CYTH1: variants seen among roughly 807,000 people sequenced by gnomAD.
The protein encoded by CYTH1 is cytohesin-1.
Under a neutral mutation model 61.8 loss-of-function variants are expected in CYTH1, and 18 were observed. The ratio of observed to expected loss-of-function variants is 0.29; its 90% CI spans 0.20 to 0.43. The LOEUF is 0.43. CYTH1 is among the 20% of genes least tolerant of loss of function. The pLI is 1.00. For missense variants in CYTH1, 336 were observed against 510.5 expected, an observed-to-expected ratio of 0.66 and a Z score of 3.29; for synonymous variants, 174 against 184.3, an observed-to-expected ratio of 0.94 and a Z score of 0.45.
At chr17:78,770,404 GT>G (rs1299164671) in intron 1 of CYTH1, among the ~76,000 whole-genome samples, 2 of 150,550 alleles carry the variant, frequency 1.3e-5, no homozygotes, top group South Asian at 2.1e-4. Flanking sequence ...AAATAGGCGG[GT>G]TTTTTTTGTT....
chr17:78,701,784 G>GCA (rs1567842972), intron 5 of CYTH1, 33 bp from the exon 6 acceptor site: 1 of 1,604,120 alleles, frequency 6.2e-7, no homozygotes, highest in Admixed American at 1.7e-5. Flanking sequence ...GGGAGAGAAA[G>GCA]CAGGAGTCAG....
chr17:78,730,070 G>C (rs911475466), intron 1 of CYTH1, among the ~76,000 whole-genome samples: 1 of 151,980 alleles, frequency 6.6e-6, no homozygotes, highest in African/African-American at 2.4e-5. Flanking sequence ...AAACATCCTT[G>C]GATTCTGTTT....
chr17:78,719,887 C>T (rs1374313563), intron 1 of CYTH1, among the ~76,000 whole-genome samples: 1 of 152,198 alleles, frequency 6.6e-6, no homozygotes, highest in Non-Finnish European at 1.5e-5. Flanking sequence ...TTCCCACTCA[C>T]TGAGTCAGAA....
rs1471363234 is a variant in CYTH1 at position 78,717,627 on chromosome 17, TG to T, written c.23-7896del. Among the ~76,000 whole-genome samples, 1 of 152,098 alleles carries T rather than the reference TG, an allele frequency of 6.6e-6. No individual in the cohort carries two copies. Among genetic ancestry groups the T allele is most frequent in the Non-Finnish European group, 1.5e-5 (1 of 68,022 alleles). On this transcript the variant is annotated intron_variant, in intron 1 of 13. Transcript: ENST00000446868. The surrounding 1 kb of genome is among the most constrained non-coding windows in gnomAD (Gnocchi z 4.4). ...TCTTTCCAAGCCAGAGGACGATACATGAGCACACGGCGGGCTCTAGTCTAAA... is the reference window on the plus strand; with the variant it reads ...TCTTTCCAAGCCAGAGGACGATACATAGCACACGGCGGGCTCTAGTCTAAA...
intron 1 of CYTH1, among the ~76,000 whole-genome samples, chr17:78,764,083 C>G (rs1039245638): frequency 5.3e-5 from 8 of 152,104 alleles, no homozygotes; most frequent in Non-Finnish European, 1.0e-4. Flanking sequence ...TGCACTCCAG[C>G]CTGGGTGACA....
intron 1 of CYTH1, among the ~76,000 whole-genome samples, chr17:78,732,825 C>T (rs2093301604): frequency 6.6e-6 from 1 of 152,068 alleles, no homozygotes; most frequent in Non-Finnish European, 1.5e-5. Context: ...GCGGTGGCTC[C>T]CGCCTGTAAT....
At chr17:78,747,145 C>A (rs1179248428) in intron 1 of CYTH1, among the ~76,000 whole-genome samples, 8 of 57,834 alleles carry the variant, frequency 1.4e-4, no homozygotes, top group South Asian at 6.2e-4. Context: ...ATGGCAGCGC[C>A]AAAAAAAAAA....
chr17:78,780,174 GA>G (rs1385113046), intron 1 of CYTH1, among the ~76,000 whole-genome samples: 2 of 152,200 alleles, frequency 1.3e-5, no homozygotes, highest in Non-Finnish European at 2.9e-5. Context: ...GTGAAATCTG[GA>G]GGGGCTGAAC....
intron 10 of CYTH1, among the ~76,000 whole-genome samples, chr17:78,695,359 G>T (rs1010114814): frequency 6.6e-6 from 1 of 152,214 alleles, no homozygotes; most frequent in African/African-American, 2.4e-5. Context: ...GGACTTCAGG[G>T]AGGGTTTTTT....
intron 3 of CYTH1, among the ~76,000 whole-genome samples, chr17:78,707,433 C>T (rs1054234133): frequency 2.0e-5 from 3 of 152,110 alleles, no homozygotes; most frequent in African/African-American, 7.2e-5. Flanking sequence ...ATACTATCAT[C>T]GCATTTCTAC....
intron 1 of CYTH1, among the ~76,000 whole-genome samples, chr17:78,766,863 C>A (rs2093450796): frequency 6.6e-6 from 1 of 152,186 alleles, no homozygotes; most frequent in Non-Finnish European, 1.5e-5. Context: ...AAAGCCCATT[C>A]AAAGCATGGC....
Position 78,717,347 on chromosome 17 carries a change from A to AGG in CYTH1, c.23-7617_23-7616dup, listed in dbSNP as rs2093190194. 6.6e-6 allele frequency among the ~76,000 whole-genome samples: 1 copy of AGG among 152,322 alleles called. No homozygotes were observed. The highest frequency in any genetic ancestry group is 1.9e-4 in the East Asian group (1 of 5,184). ...TCTGCAAGGTGTCCGGCTGGCAGTC[A>AGG]GGGGGACGGTCCAGCATCAGCCCCA... On this transcript the variant is annotated intron_variant, in intron 1 of 13. Transcript: ENST00000446868. The surrounding 1 kb of genome is among the most constrained non-coding windows in gnomAD (Gnocchi z 4.4).
At chr17:78,754,125 G>A (rs561646018) in intron 1 of CYTH1, among the ~76,000 whole-genome samples, 7 of 152,190 alleles carry the variant, frequency 4.6e-5, no homozygotes, top group South Asian at 4.1e-4. Flanking sequence ...TGGACAAAGC[G>A]ACCGGCTACT....
chr17:78,681,134 G>C, intron 11 of CYTH1, 92 bp from the exon 12 acceptor site: 2 of 1,282,702 alleles, frequency 1.6e-6, no homozygotes, highest in South Asian at 2.5e-5. Flanking sequence ...GAACTTTCCT[G>C]CTTTCTCCCA....
At position 78,702,793 on chromosome 17, in the gene CYTH1, T is replaced by C. The variant is rs187332705; in HGVS notation, c.171-189A>G. Reference sequence around the variant, plus strand: ...CTGAACCTGGCTCCAAGCTCCAAGCTCATTTGCTCCTTCTACCCTGGAACA... The same window carrying C: ...CTGAACCTGGCTCCAAGCTCCAAGCCCATTTGCTCCTTCTACCCTGGAACA... On this transcript the variant is annotated intron_variant, in intron 3 of 13. Transcript: ENST00000446868. Among the ~76,000 whole-genome samples the C allele has an allele frequency of 2.8e-3, 429 of 152,286 alleles. 3 individuals are homozygous for C. Among genetic ancestry groups the C allele is most frequent in the Middle Eastern group, 0.01 (3 of 294 alleles).
intron 11 of CYTH1, chr17:78,691,720 T>A (rs1047705378): frequency 1.3e-5 from 2 of 152,156 alleles, no homozygotes; most frequent in African/African-American, 2.4e-5. Flanking sequence ...TGAGCCACGG[T>A]CTCCACACCA....
chr17:78,688,245 GA>G (rs1279317376), intron 11 of CYTH1, among the ~76,000 whole-genome samples: 1 of 152,168 alleles, frequency 6.6e-6, no homozygotes, highest in East Asian at 1.9e-4. Context: ...CAGTTTCCCT[GA>G]TATGTAATAA....
intron 1 of CYTH1, among the ~76,000 whole-genome samples, chr17:78,749,185 T>C (rs559589210): frequency 4.2e-4 from 64 of 152,144 alleles, no homozygotes; most frequent in Non-Finnish European, 6.9e-4. Flanking sequence ...GAGGATCACT[T>C]GAGCCCAAAA....
chr17:78,688,236 A>G (rs1290085789), intron 11 of CYTH1, among the ~76,000 whole-genome samples: 1 of 152,220 alleles, frequency 6.6e-6, no homozygotes, highest in Non-Finnish European at 1.5e-5. Flanking sequence ...AAAACAGTTC[A>G]GTTTCCCTGA....
Sources: allele counts gnomAD v4.1 joint callset (sites outside exome capture counted in the v4.1 genomes callset), GRCh38; gene constraint gnomAD v4.1.1; non-coding constraint Gnocchi (gnomAD v3.1); transcripts MANE v1.5; gene names NCBI Gene and HGNC (gene_info 2026-07-23, HGNC 2026-07-21).